CTDP1: variants seen among roughly 807,000 people sequenced by gnomAD.
CTDP1 encodes CTD phosphatase 1, also known as RNA polymerase II subunit A C-terminal domain phosphatase.
In CTDP1, 47 loss-of-function variants were observed where a neutral mutation model predicts 91.8. The ratio of observed to expected loss-of-function variants is 0.51; its 90% CI spans 0.41 to 0.65. CTDP1 has a LOEUF of 0.65. Among genes scored for constraint, CTDP1 ranks in the 30% least tolerant of loss-of-function variants. The pLI is 0.00. For missense variants in CTDP1, 1,272 were observed against 1,373.7 expected (o/e 0.93, Z 1.17); for synonymous variants, 656 against 598.5 (o/e 1.10, Z -1.40).
intron 11 of CTDP1, among the ~76,000 whole-genome samples, chr18:79,733,091 G>C (rs368786493): frequency 3.3e-5 from 5 of 152,354 alleles, no homozygotes; most frequent in South Asian, 4.1e-4. Context: ...TGTGTGAATA[G>C]CACTCAGTCC....
intron 11 of CTDP1, 110 bp from the exon 12 acceptor site, chr18:79,736,245 C>T: frequency 7.1e-7 from 1 of 1,404,056 alleles, no homozygotes; most frequent in Non-Finnish European, 9.8e-7. Flanking sequence ...GTGCTACCTC[C>T]AGCCCCCACC....
chr18:79,689,165 G>A (rs562746021), intron 1 of CTDP1, among the ~76,000 whole-genome samples: 14 of 152,230 alleles, frequency 9.2e-5, no homozygotes, highest in Admixed American at 2.6e-4. Flanking sequence ...CAGCTCCTTC[G>A]TCTTTCTTTC....
At chr18:79,748,595 C>G (rs963351230) in intron 12 of CTDP1, among the ~76,000 whole-genome samples, 7 of 152,210 alleles carry the variant, frequency 4.6e-5, no homozygotes, top group African/African-American at 1.4e-4. Context: ...GGGATGGTGG[C>G]GCCTGCCCGC....
At chr18:79,680,299 G>A in intron 1 of CTDP1, 38 bp downstream of exon 1, 2 of 1,238,536 alleles carry the variant, frequency 1.6e-6, no homozygotes, top group Non-Finnish European at 2.0e-6. Flanking sequence ...AGGGCGGGCG[G>A]CTCCGGGGAG....
At position 79,714,757 on chromosome 18, in the gene CTDP1, G is replaced by A; in HGVS notation, c.1297G>A (p.Gly433Ser). The change falls in exon 8 of 13, where the codon GGC becomes AGC. Residue 433 changes from glycine (G) to serine (S), a missense_variant. Gly to Ser is a moderately conservative substitution (Grantham distance 56, BLOSUM62 0). Around this residue, in one of 3 missense-constraint regions of CTDP1, gnomAD observed 881 missense variants for 911.6 expected, o/e 0.97. Transcript: ENST00000613122. ...PEPQGSCAQG[G>S]RVAPGQRPAQ... ...GCCCCAGGGATCCTGTGCGCAGGGT[G>A]GCCGGGTGGCACCGGGACAGCGGCC... 1 of 1,601,644 alleles carries A rather than the reference G, an allele frequency of 6.2e-7. No homozygotes were observed. The highest frequency in any genetic ancestry group is 8.5e-7 in the Non-Finnish European group (1 of 1,175,130).
At position 79,720,335 on chromosome 18, in the gene CTDP1, TAGG is replaced by T. The variant is rs377669521; in HGVS notation, c.2417+2323_2417+2325del. 2.4e-3 allele frequency among the ~76,000 whole-genome samples: 346 copies of T among 145,846 alleles called. 8 individuals are homozygous for T. The highest frequency in any genetic ancestry group is 8.2e-3 in the African/African-American group (319 of 38,816). ...TGGTGATGCTGTCACCTCCCGTCAT[TAGG>T]AGGGCGTCCTGGTGATGATGTCACC... On this transcript the variant is annotated intron_variant, in intron 10 of 12. Coordinates refer to ENST00000613122, the MANE Select transcript of CTDP1 (RefSeq NM_004715.5).
In CTDP1 at chr18:79,735,764, C is replaced by G. The variant is rs147213710; in HGVS notation, c.2581-591C>G. On this transcript the variant is annotated intron_variant, in intron 11 of 12. Transcript: ENST00000613122. ...TTGCCTGCCGCCTCTGTTGCCACTC[C>G]CGTCCGCGTCACACGTGTCAGGCGT... The G allele has an allele frequency of 4.7e-3, 738 of 157,836 alleles. 10 individuals carry two copies. Among genetic ancestry groups the G allele is most frequent in the African/African-American group, 0.017 (710 of 41,608 alleles). The allele number at this position is 157,836 out of a possible 1,614,324, so 9.8% of individuals were successfully genotyped here. A position where few individuals can be genotyped will look rare whatever the true frequency, so the allele number is the denominator to read the frequency against.
chr18:79,685,913 G>A (rs1162995196), intron 1 of CTDP1, among the ~76,000 whole-genome samples: 2 of 152,126 alleles, frequency 1.3e-5, no homozygotes, highest in African/African-American at 4.8e-5. Flanking sequence ...ATTCTTCCCT[G>A]TTGACGCCTG....
chr18:79,739,328 G>A (rs2086728338), intron 12 of CTDP1, among the ~76,000 whole-genome samples: 1 of 152,166 alleles, frequency 6.6e-6, no homozygotes, highest in Admixed American at 6.5e-5. Flanking sequence ...ACTGGATGTG[G>A]CGCTCAGCGG....
chr18:79,690,253 T>A (rs750462571), intron 1 of CTDP1, among the ~76,000 whole-genome samples: 1 of 152,178 alleles, frequency 6.6e-6, no homozygotes, highest in South Asian at 2.1e-4. Context: ...GATGTACCCA[T>A]GCCCTCGGAC....
intron 1 of CTDP1, among the ~76,000 whole-genome samples, chr18:79,680,549 C>T (rs1299533055): frequency 6.6e-6 from 1 of 152,270 alleles, no homozygotes; most frequent in African/African-American, 2.4e-5. Flanking sequence ...AGTCCCCGCC[C>T]CTTCCTTTAG....
upstream of CTDP1, chr18:79,677,496 CT>C (rs1242722951): frequency 6.6e-6 from 1 of 152,286 alleles, no homozygotes; most frequent in East Asian, 1.9e-4. Flanking sequence ...GTTTGAAGTG[CT>C]GCTGCCTGTG....
In CTDP1 at chr18:79,697,907, C is replaced by G; in HGVS notation, c.540C>G (p.Asn180Lys). 1 of 1,614,218 alleles carries G rather than the reference C, an allele frequency of 6.2e-7. No individual in the cohort carries two copies. The highest frequency in any genetic ancestry group is 8.5e-7 in the Non-Finnish European group (1 of 1,180,038). Residue 180 changes from asparagine to lysine, a missense_variant, in exon 4 of 13, where the codon AAC (asparagine) becomes AAG (lysine). Around this residue, in one of 3 missense-constraint regions of CTDP1, gnomAD observed 177 missense variants for 283.0 expected, o/e 0.63. Transcript: ENST00000613122. ...AAGACCAGCAGCGACTGCACCGAAA[C>G]CGGAAGCTGGTGCTCATGGTGGACT... ...GREDQQRLHRNRKLVLMVDLD... is the reference protein window; with the variant it reads ...GREDQQRLHRKRKLVLMVDLD...
At chr18:79,732,617 ACAT>A (rs1046539028) in intron 11 of CTDP1, among the ~76,000 whole-genome samples, 1 of 148,348 alleles carries the variant, frequency 6.7e-6, no homozygotes, top group African/African-American at 2.6e-5. Flanking sequence ...ATGAGAACTA[ACAT>A]CAGGAGTGCT....
At chr18:79,692,591 G>C (rs1434827549) in intron 1 of CTDP1, among the ~76,000 whole-genome samples, 1 of 152,202 alleles carries the variant, frequency 6.6e-6, no homozygotes, top group Non-Finnish European at 1.5e-5. Flanking sequence ...GTTCATATTT[G>C]AGGATTCCTT....
intron 7 of CTDP1, 30 bp from the exon 8 acceptor site, chr18:79,714,461 G>C (rs772709617): frequency 1.9e-6 from 3 of 1,608,592 alleles, no homozygotes; most frequent in Non-Finnish European, 2.6e-6. Flanking sequence ...GCTAAATTGC[G>C]GTAACTTTTC....
At chr18:79,714,377 G>T in intron 7 of CTDP1, 114 bp from the exon 8 acceptor site, 3 of 1,248,866 alleles carry the variant, frequency 2.4e-6, no homozygotes, top group East Asian at 2.5e-5. Context: ...CCAAGGCCTG[G>T]TCTAGAGGGT....
Position 79,696,674 on chromosome 18 carries a change from T to G in CTDP1, c.492+604T>G, listed in dbSNP as rs375059426. On this transcript the variant is annotated intron_variant, in intron 3 of 12. Transcript: ENST00000613122. Reference sequence around the variant, plus strand: ...GCCTTGTAGCCGACAGGAGAGCCCATGGGGGGTACGCAGGGTGGAGAGGAC... The same window carrying G: ...GCCTTGTAGCCGACAGGAGAGCCCAGGGGGGGTACGCAGGGTGGAGAGGAC... Among the ~76,000 whole-genome samples the G allele has an allele frequency of 5.3e-5, 8 of 151,970 alleles. No homozygotes were observed. In the East Asian group the frequency reaches 9.7e-4, roughly 18 times the overall value.
chr18:79,712,624 AC>A (rs1599247111), intron 6 of CTDP1, among the ~76,000 whole-genome samples: 1 of 152,186 alleles, frequency 6.6e-6, no homozygotes, highest in Non-Finnish European at 1.5e-5. Context: ...CCTTTAGGCT[AC>A]CCAGCCTTGT....
Sources: gnomAD v4.1 joint callset for allele counts (sites outside exome capture counted in the v4.1 genomes callset) on GRCh38, gnomAD v4.1.1 for gene constraint, gnomAD v4.1.1 regional missense constraint, MANE v1.5 for transcripts, NCBI Gene and HGNC (gene_info 2026-07-23, HGNC 2026-07-21) for gene names.